Variants in PDSS1 observed in about 807,000 individuals in gnomAD.
PDSS1 encodes all trans-polyprenyl-diphosphate synthase PDSS1.
Under a neutral mutation model 57.5 loss-of-function variants are expected in PDSS1, and 43 were observed. The ratio of observed to expected loss-of-function variants is 0.75; its 90% CI spans 0.59 to 0.96. PDSS1 has a LOEUF of 0.96. Ranked by LOEUF, PDSS1 falls within the 50% of genes least tolerant of loss-of-function variation. The pLI, the probability that PDSS1 is intolerant of heterozygous loss-of-function variation, is 0.00. For synonymous variants in PDSS1, 175 were observed against 191.3 expected (o/e 0.91, Z 0.70); for missense variants, 438 against 527.8 (o/e 0.83, Z 1.67).
intron 8 of PDSS1, among the ~76,000 whole-genome samples, chr10:26,732,688 T>C (rs546635422): frequency 6.6e-6 from 1 of 152,354 alleles, no homozygotes; most frequent in South Asian, 2.1e-4. Flanking sequence ...TAGCACATAG[T>C]GGACGCTCAG....
intron 1 of PDSS1, among the ~76,000 whole-genome samples, chr10:26,699,154 A>T (rs985758813): frequency 7.9e-5 from 12 of 152,188 alleles, no homozygotes; most frequent in Middle Eastern, 3.4e-3. Context: ...AGCAAAAAAG[A>T]CGTTTGGAGA....
intron 9 of PDSS1, 62 bp downstream of exon 9, chr10:26,735,382 G>C: frequency 7.3e-7 from 1 of 1,368,564 alleles, no homozygotes; most frequent in Non-Finnish European, 1.0e-6. Context: ...TTCTCCCCTA[G>C]TGTGTAATCG....
rs575202070 is a variant in PDSS1 at position 26,738,878 on chromosome 10, G to A, written c.1026+3299G>A. 1.9e-4 allele frequency among the ~76,000 whole-genome samples: 29 copies of A among 152,272 alleles called. No homozygotes were observed. The East Asian group carries it at 5.2e-3, about 27-fold the overall frequency. On this transcript the variant is annotated intron_variant, in intron 10 of 11. Coordinates refer to ENST00000376215, the MANE Select transcript of PDSS1 (RefSeq NM_014317.5). Reference sequence around the variant, plus strand: ...TTTGGGGATTTCTGGAGAAGTCCCAGGGGATGACAGCGTCCTCCCATGTAC... The same window carrying A: ...TTTGGGGATTTCTGGAGAAGTCCCAAGGGATGACAGCGTCCTCCCATGTAC...
chr10:26,725,435 G>A (rs896002062), intron 8 of PDSS1, among the ~76,000 whole-genome samples: 1 of 152,016 alleles, frequency 6.6e-6, no homozygotes, highest in Non-Finnish European at 1.5e-5. Context: ...GAATTATGTA[G>A]AACATGCTAG....
At chr10:26,705,185 G>A in intron 3 of PDSS1, 101 bp from the exon 4 acceptor site, 1 of 711,802 alleles carries the variant, frequency 1.4e-6, no homozygotes, top group Non-Finnish European at 2.6e-6. Context: ...TTAATTTCTA[G>A]CAAATATTTG....
rs567202664 is a variant in PDSS1, at chr10:26,746,705, A to G, written c.*232A>G. 13 of 515,784 alleles carry G rather than the reference A, an allele frequency of 2.5e-5. No individual in the cohort carries two copies. The highest frequency in any genetic ancestry group is 2.3e-4 in the African/African-American group (12 of 52,542). The allele number at this position is 515,784 out of a possible 1,614,324, so 32.0% of individuals were successfully genotyped here. ...ATTCTAGTCCTATAAATTATAATCA[A>G]GGTATCTTGATGGTTATATGTGGTA... On this transcript the variant is annotated 3_prime_UTR_variant, in exon 12 of 12. Transcript: ENST00000376215.
chr10:26,734,827 G>T (rs999132256), intron 8 of PDSS1: 3 of 450,002 alleles, frequency 6.7e-6, no homozygotes, highest in African/African-American at 4.0e-5. Context: ...TGATAGAGAT[G>T]ATTAAAGCCA....
chr10:26,733,840 T>G (rs984016577), intron 8 of PDSS1, among the ~76,000 whole-genome samples: 1 of 152,020 alleles, frequency 6.6e-6, no homozygotes, highest in Non-Finnish European at 1.5e-5. Flanking sequence ...TGGGTGTGGT[T>G]GCGCGTGCCT....
intron 11 of PDSS1, among the ~76,000 whole-genome samples, chr10:26,746,036 ACTT>A (rs1276713754): frequency 1.3e-5 from 2 of 152,290 alleles, no homozygotes; most frequent in Non-Finnish European, 1.5e-5. Flanking sequence ...TGTACATAGA[ACTT>A]CTGAGAAATT....
chr10:26,699,204 A>G (rs1040063554), intron 1 of PDSS1, among the ~76,000 whole-genome samples: 3 of 152,092 alleles, frequency 2.0e-5, no homozygotes, highest in Admixed American at 1.3e-4. Flanking sequence ...CTAGAGAGTA[A>G]AGAGAACAGA....
intron 6 of PDSS1, among the ~76,000 whole-genome samples, chr10:26,723,038 G>T (rs1435889900): frequency 6.6e-6 from 1 of 151,982 alleles, no homozygotes; most frequent in African/African-American, 2.4e-5. Context: ...CTCAGTACTA[G>T]CTGAGATGAT....
At chr10:26,734,547 C>A (rs1386966916) in intron 8 of PDSS1, 5 of 379,094 alleles carry the variant, frequency 1.3e-5, no homozygotes, top group Non-Finnish European at 1.0e-5. Context: ...TCTTATTTCT[C>A]CCCCATTGAA....
At position 26,705,291 on chromosome 10, in the gene PDSS1, A is replaced by T; in HGVS notation, c.233A>T (p.His78Leu). ...CPNVCRISRF[H>L]HTTPDSKTHS... ...TGCATTTTTGCATGTCCCAGGTTTC[A>T]TCACACAACCCCAGACAGTAAAACA... is the stretch of plus-strand genomic sequence containing the variant. Residue 78 changes from histidine (H) to leucine (L), a missense_variant, in exon 4 of 12, where the codon CAT (histidine) becomes CTT (leucine). This residue lies in a region of PDSS1 where 154 missense variants were observed against 137.0 expected (regional missense o/e 1.12). Coordinates refer to ENST00000376215, the MANE Select transcript of PDSS1 (RefSeq NM_014317.5). The T allele has an allele frequency of 6.2e-7, 1 of 1,603,082 alleles. No individual in the cohort carries two copies. The highest frequency in any genetic ancestry group is 8.5e-7 in the Non-Finnish European group (1 of 1,170,226).
chr10:26,738,317 A>G (rs1836471350), intron 10 of PDSS1, among the ~76,000 whole-genome samples: 1 of 152,340 alleles, frequency 6.6e-6, no homozygotes, highest in South Asian at 2.1e-4. Flanking sequence ...TGCAAGTAAG[A>G]AACTGATGCC....
In PDSS1 at chr10:26,742,597, A is replaced by C. The variant is rs745940542; in HGVS notation, c.1107+20A>C. ...CTACAGGTAAGACTGTTTTTTTAAA[A>C]AAAAGGCAGCAGCAGGAACAACGTG... On this transcript the variant is annotated intron_variant, in intron 11 of 11. Transcript: ENST00000376215. The C allele has an allele frequency of 8.0e-6, 12 of 1,506,360 alleles. No homozygotes were observed. The highest frequency in any genetic ancestry group is 6.7e-5 in the Admixed American group (4 of 59,884). 93.3% of individuals were successfully genotyped at this position (1,506,360 alleles called of 1,614,324 possible).
chr10:26,719,446 A>G (rs1835708689), intron 5 of PDSS1, among the ~76,000 whole-genome samples: 1 of 152,222 alleles, frequency 6.6e-6, no homozygotes, highest in Non-Finnish European at 1.5e-5. Flanking sequence ...TCTGTTGGTT[A>G]CTGAGGTTGT....
At chr10:26,721,423 T>TATACACACACACAC (rs10645608) in intron 6 of PDSS1, among the ~76,000 whole-genome samples, 26,613 of 149,104 alleles carry the variant, frequency 0.18, 2,546 homozygotes, top group Middle Eastern at 0.25. Flanking sequence ...GATATATGTA[T>TATACACACACACAC]ACACACACAC....
At chr10:26,708,797 G>A (rs1231982702) in intron 4 of PDSS1, among the ~76,000 whole-genome samples, 2 of 152,040 alleles carry the variant, frequency 1.3e-5, no homozygotes, top group Non-Finnish European at 2.9e-5. Context: ...TGAGGCCTGG[G>A]TGACAGAGCA....
intron 11 of PDSS1, among the ~76,000 whole-genome samples, chr10:26,744,929 CAAGG>C (rs1564439936): frequency 6.6e-6 from 1 of 151,812 alleles, no homozygotes; most frequent in Non-Finnish European, 1.5e-5. Flanking sequence ...TTTGGGAGGC[CAAGG>C]TGGGTGGATC....
Sources: allele counts gnomAD v4.1 joint callset (sites outside exome capture counted in the v4.1 genomes callset), GRCh38; gene constraint gnomAD v4.1.1; regional missense constraint gnomAD v4.1.1; transcripts MANE v1.5; gene names NCBI Gene and HGNC (gene_info 2026-07-23, HGNC 2026-07-21).